Variants in MTM1 observed in about 807,000 individuals in gnomAD.
The protein encoded by MTM1 is myotubularin.
Under a neutral mutation model 52.1 loss-of-function variants are expected in MTM1, and 9 were observed. The observed-to-expected ratio is 0.17, with a 90% CI of 0.10 to 0.30. The LOEUF (loss-of-function observed/expected upper bound fraction) is 0.30. Ranked by LOEUF, MTM1 falls within the 10% of genes least tolerant of loss-of-function variation. MTM1 has a pLI of 1.00. For missense variants in MTM1, 277 were observed against 470.7 expected (o/e 0.59, Z 3.81); for synonymous variants, 136 against 163.8 (o/e 0.83, Z 1.29).
chrX:150,583,502 A>T lies in MTM1; in HGVS notation c.-10-9103A>T, dbSNP rs374875485. On this transcript the variant is annotated intron_variant, in intron 1 of 14. Transcript: ENST00000370396. ...TTATATATATTATATATAAATTATA[A>T]ATATATATAATTTATATATATTATA... 1.4e-3 allele frequency among the ~76,000 whole-genome samples: 45 copies of T among 31,228 alleles called. 2 individuals are homozygous for T. Among genetic ancestry groups the T allele is most frequent in the African/African-American group, 5.6e-3 (43 of 7,714 alleles). The allele number at this position is 31,228 out of a possible 115,157, so 27.1% of individuals were successfully genotyped here.
chrX:150,657,986 G>A lies in MTM1; in HGVS notation c.1219G>A (p.Val407Ile). The A allele has an allele frequency of 8.3e-7, 1 of 1,210,971 alleles. No homozygotes were observed. Among genetic ancestry groups the A allele is most frequent in the South Asian group, 1.8e-5 (1 of 56,982 alleles). Residue 407 changes from valine to isoleucine, a missense_variant, in exon 11 of 15, where the codon GTA becomes ATA. Around this residue, in one of 4 missense-constraint regions of MTM1, gnomAD observed 59 missense variants for 107.8 expected, o/e 0.55. Coordinates refer to ENST00000370396, the MANE Select transcript of MTM1 (RefSeq NM_000252.3). ...YRSIEGFEILVQKEWISFGHK... is the reference protein window; with the variant it reads ...YRSIEGFEILIQKEWISFGHK... ...GAGCATTGAAGGGTTCGAAATACTG[G>A]TACAAAAAGAATGGATAAGTTTTGG...
At chrX:150,656,338 G>C (rs782444628) in intron 10 of MTM1, among the ~76,000 whole-genome samples, 2 of 110,087 alleles carry the variant, frequency 1.8e-5, no homozygotes, top group African/African-American at 6.7e-5. Flanking sequence ...TTTGGACACA[G>C]ACACACACAC....
At chrX:150,565,164 G>A (rs1557411178), upstream of MTM1, among the ~76,000 whole-genome samples, 1 of 111,945 alleles carries the variant, frequency 8.9e-6, no homozygotes, top group Non-Finnish European at 1.9e-5. Context: ...GTGGCAACTT[G>A]GGAATTCTGC....
intron 10 of MTM1, among the ~76,000 whole-genome samples, chrX:150,656,308 A>G (rs1382019153): frequency 9.1e-6 from 1 of 109,347 alleles, no homozygotes; most frequent in Non-Finnish European, 1.9e-5. Flanking sequence ...TGTTATGACT[A>G]GTGCCCTTAT....
At chrX:150,595,098 T>C (rs1002754062) in intron 2 of MTM1, among the ~76,000 whole-genome samples, 16 of 111,608 alleles carry the variant, frequency 1.4e-4, no homozygotes, top group African/African-American at 4.9e-4. Context: ...TGACAGCTTA[T>C]ATCTCACCTG....
chrX:150,637,802 C>T (rs1557413730), intron 6 of MTM1, among the ~76,000 whole-genome samples: 2 of 112,250 alleles, frequency 1.8e-5, no homozygotes, highest in Non-Finnish European at 3.8e-5. Context: ...GGGAGTGGCA[C>T]AGGAGGCAGG....
chrX:150,661,740 T>C (rs1453602244), intron 13 of MTM1, among the ~76,000 whole-genome samples: 1 of 111,279 alleles, frequency 9.0e-6, no homozygotes, highest in Non-Finnish European at 1.9e-5. Flanking sequence ...CTTGAACCTA[T>C]AGTAACAGAG....
chrX:150,617,753 GA>G (rs1302132893), intron 5 of MTM1, among the ~76,000 whole-genome samples: 1 of 111,271 alleles, frequency 9.0e-6, no homozygotes, highest in African/African-American at 3.3e-5. Context: ...AAAGCACCTT[GA>G]AAAAAAATGA....
At chrX:150,635,595 A>G (rs1241488161) in intron 6 of MTM1, among the ~76,000 whole-genome samples, 1 of 112,116 alleles carries the variant, frequency 8.9e-6, no homozygotes, top group Non-Finnish European at 1.9e-5. Flanking sequence ...CTTTTTGATA[A>G]TGAGGTACAG....
intron 10 of MTM1, among the ~76,000 whole-genome samples, chrX:150,655,433 G>A (rs2040096299): frequency 9.0e-6 from 1 of 111,483 alleles, no homozygotes; most frequent in African/African-American, 3.3e-5. Context: ...TTCAAAAAAT[G>A]TGTATGCAAA....
intron 13 of MTM1, 114 bp downstream of exon 13, chrX:150,660,598 G>A (rs1197940908): frequency 1.9e-6 from 1 of 519,258 alleles, no homozygotes; most frequent in East Asian, 3.7e-5. Context: ...ACCTCAAAGA[G>A]TAGGAATTAC....
chrX:150,600,254 C>T lies in MTM1; in HGVS notation c.231+1568C>T, dbSNP rs142810649. 8.2e-4 allele frequency among the ~76,000 whole-genome samples: 91 copies of T among 111,602 alleles called. 2 individuals are homozygous for T. In the East Asian group the frequency reaches 0.021, roughly 26 times the overall value. Reference sequence around the variant, plus strand: ...GCCAATGTGTGCTAGGTGATGGGATCAGGGTTTGAAATGATCTTAACTTGG... The same window carrying T: ...GCCAATGTGTGCTAGGTGATGGGATTAGGGTTTGAAATGATCTTAACTTGG... On this transcript the variant is annotated intron_variant, in intron 4 of 14. Transcript: ENST00000370396.
chrX:150,621,251 A>G (rs1265949464), intron 6 of MTM1, among the ~76,000 whole-genome samples: 2 of 110,486 alleles, frequency 1.8e-5, no homozygotes, highest in Non-Finnish European at 3.8e-5. Flanking sequence ...AGGTTTGATA[A>G]CTTGAAGTCA....
intron 6 of MTM1, among the ~76,000 whole-genome samples, chrX:150,627,752 T>C (rs1557413453): frequency 9.0e-6 from 1 of 111,729 alleles, no homozygotes; most frequent in Non-Finnish European, 1.9e-5. Context: ...CCTTGGAAGT[T>C]TATCTGTGGG....
In MTM1 at chrX:150,660,332, T is replaced by C. The variant is rs781878759; in HGVS notation, c.1354-39T>C. 4 of 830,458 alleles carry C rather than the reference T, an allele frequency of 4.8e-6. No individual in the cohort carries two copies. In the African/African-American group the frequency reaches 8.0e-5, roughly 17 times the overall value. The allele number at this position is 830,458 out of a possible 1,213,427, so 68.4% of individuals were successfully genotyped here. A position where few individuals can be genotyped will look rare whatever the true frequency, so the allele number is the denominator to read the frequency against. ...TCTTTCTAATTTTATAAAGTTTCAG[T>C]CCCAGTTTTTCATGCTTTGTTTGCT... On this transcript the variant is annotated intron_variant, in intron 12 of 14. Transcript: ENST00000370396.
At chrX:150,609,641 A>C (rs1473854328) in intron 4 of MTM1, among the ~76,000 whole-genome samples, 1 of 109,808 alleles carries the variant, frequency 9.1e-6, no homozygotes, top group Non-Finnish European at 1.9e-5. Context: ...TTTCTCTAAA[A>C]CCCCCTCCTG....
In MTM1 at chrX:150,583,907, T is replaced by TTAA. The variant is rs1231530276; in HGVS notation, c.-10-8698_-10-8697insTAA. Among the ~76,000 whole-genome samples the TTAA allele has an allele frequency of 1.1e-4, 5 of 45,723 alleles. 1 individual carries two copies. Among genetic ancestry groups the TTAA allele is most frequent in the African/African-American group, 1.4e-4 (2 of 13,969 alleles). The allele number at this position is 45,723 out of a possible 115,157, so 39.7% of individuals were successfully genotyped here. ...TATATATATATATTTGATATATATA[T>TTAA]ATATAATATAAAATATATATTAAAT... On this transcript the variant is annotated intron_variant, in intron 1 of 14. Transcript: ENST00000370396.
In MTM1 at chrX:150,574,962, A is replaced by G. The variant is rs1417533836; in HGVS notation, c.-11+6300A>G. Among the ~76,000 whole-genome samples, 12 of 112,361 alleles carry G rather than the reference A, an allele frequency of 1.1e-4. No individual in the cohort carries two copies. The Admixed American group carries it at 1.1e-3, about 11-fold the overall frequency. On this transcript the variant is annotated intron_variant, in intron 1 of 14. Transcript: ENST00000370396. ...TTTCAGAGAGGTTAGGTCTAAGCTG[A>G]AGCGTTTAGGAAGCAGTAATATCAG...
chrX:150,569,609 A>G (rs782468023), intron 1 of MTM1, among the ~76,000 whole-genome samples: 17 of 111,534 alleles, frequency 1.5e-4, no homozygotes, highest in Non-Finnish European at 3.2e-4. Flanking sequence ...GCTTCAGGGC[A>G]ACTTAATGGC....
Sources: allele counts gnomAD v4.1 joint callset (sites outside exome capture counted in the v4.1 genomes callset), GRCh38; gene constraint gnomAD v4.1.1; regional missense constraint gnomAD v4.1.1; transcripts MANE v1.5; gene names NCBI Gene and HGNC (gene_info 2026-07-23, HGNC 2026-07-21).